TTLL4: variants seen among roughly 807,000 people sequenced by gnomAD.
The protein encoded by TTLL4 is tubulin tyrosine ligase like 4.
A neutral mutation model predicts 122.7 loss-of-function variants in TTLL4; 85 were observed. That is an observed-to-expected ratio of 0.69 (90% CI 0.58 to 0.83). The LOEUF is 0.83. Among genes scored for constraint, TTLL4 ranks in the 40% least tolerant of loss-of-function variants. The pLI, the probability that TTLL4 is intolerant of heterozygous loss-of-function variation, is 0.00. For missense variants in TTLL4, 1,363 were observed against 1,488.6 expected (o/e 0.92, Z 1.39); for synonymous variants, 553 against 563.0 (o/e 0.98, Z 0.25).
rs1943105338 is a variant in TTLL4, at chr2:218,754,288, CA to C, written c.3500del (p.Gln1167ArgfsTer5). 6.2e-7 allele frequency: 1 copy of C among 1,614,176 alleles called. No homozygotes were observed. Among genetic ancestry groups the C allele is most frequent in the Non-Finnish European group, 8.5e-7 (1 of 1,180,034 alleles). ...DTSKEPSLST[Q>X]TLPVIKCSGQ... The stretch of plus-strand genomic sequence containing the variant: ...CAGCAAAGAGCCCAGCCTTTCTACC[CA>C]GACGTTACCTGTGATCAAGTGCTCT... On this transcript the variant is annotated frameshift_variant, in exon 20 of 20. Coordinates refer to ENST00000392102, the MANE Select transcript of TTLL4 (RefSeq NM_014640.5). LOFTEE classifies it high-confidence loss of function.
rs973294140 is a variant in TTLL4, at chr2:218,750,064, C to T, written c.2791C>T (p.Leu931Phe). ...CATCAAAGGCCAGATGATTCGTGAC[C>T]TTCTGAATCTGGCAGGTTTTGTCCT... The part of the protein sequence containing the change: ...ISIKGQMIRD[L>F]LNLAGFVLPN... Residue 931 changes from leucine (L) to phenylalanine (F), a missense_variant, in exon 15 of 20, where the codon CTT becomes TTT. Physicochemically the swap from Leu to Phe is conservative, Grantham distance 22. Coordinates refer to ENST00000392102, the MANE Select transcript of TTLL4 (RefSeq NM_014640.5). 1.2e-6 allele frequency: 2 copies of T among 1,613,986 alleles called. No homozygotes were observed. The highest frequency in any genetic ancestry group is 2.7e-5 in the African/African-American group (2 of 74,922).
chr2:218,745,365 A>G (rs575431922), intron 6 of TTLL4, 132 bp downstream of exon 6: 217 of 1,253,684 alleles, frequency 1.7e-4, no homozygotes, highest in Non-Finnish European at 2.2e-4. Flanking sequence ...CACTGTGCTC[A>G]GTTCCCCATG....
At chr2:218,748,052 C>G in intron 11 of TTLL4, 53 bp from the exon 12 acceptor site, 1 of 1,610,932 alleles carries the variant, frequency 6.2e-7, no homozygotes, top group East Asian at 2.2e-5. Context: ...TTGGCCCCTT[C>G]TCCATCTGCT....
chr2:218,711,943 C>G (rs868519519), intron 1 of TTLL4, among the ~76,000 whole-genome samples: 2 of 151,054 alleles, frequency 1.3e-5, no homozygotes, highest in Admixed American at 6.7e-5. Flanking sequence ...GTGTTCCATC[C>G]CATCCTTCTG....
Position 218,737,747 on chromosome 2 carries a change from C to T in TTLL4, c.71C>T (p.Pro24Leu). 1 of 1,613,918 alleles carries T rather than the reference C, an allele frequency of 6.2e-7. No homozygotes were observed. The highest frequency in any genetic ancestry group is 8.5e-7 in the Non-Finnish European group (1 of 1,179,852). The change falls in exon 3 of 20, where the codon CCC (proline) becomes CTC (leucine). Residue 24 changes from proline to leucine, a missense_variant. Coordinates refer to ENST00000392102, the MANE Select transcript of TTLL4 (RefSeq NM_014640.5). ...RQKNSFKQSGPSGTVPATPPE... is the reference protein window; with the variant it reads ...RQKNSFKQSGLSGTVPATPPE... ...AAAAACAGCTTCAAGCAGAGTGGTCCCTCAGGCACAGTACCTGCCACGCCA... is the reference window on the plus strand; with the variant it reads ...AAAAACAGCTTCAAGCAGAGTGGTCTCTCAGGCACAGTACCTGCCACGCCA...
Position 218,752,705 on chromosome 2 carries a change from C to T in TTLL4, c.2977-58C>T, listed in dbSNP as rs916297259. 155 of 1,587,530 alleles carry T rather than the reference C, an allele frequency of 9.8e-5. No individual in the cohort carries two copies. The African/African-American group carries it at 1.9e-3, about 19-fold the overall frequency. On this transcript the variant is annotated intron_variant, in intron 16 of 19. Transcript: ENST00000392102. ...CTCCCTGTTCCCCAGCTTCTTGAGT[C>T]TCTGCCCCTGGCTTACACTCTCTCA...
At position 218,738,668 on chromosome 2, in the gene TTLL4, CT is replaced by C; in HGVS notation, c.993del (p.Lys332ArgfsTer9). ...LDDSSDSQDP[T>X]KEIRFTEAVR... ...GACAGCTCTGATTCCCAGGATCCAA[CT>C]AAGGAGATTCGGTTCACTGAGGCCG... On this transcript the variant is annotated frameshift_variant, in exon 3 of 20. Coordinates refer to ENST00000392102, the MANE Select transcript of TTLL4 (RefSeq NM_014640.5). LOFTEE classifies it high-confidence loss of function. The C allele has an allele frequency of 6.2e-7, 1 of 1,614,206 alleles. No homozygotes were observed. Among genetic ancestry groups the C allele is most frequent in the Non-Finnish European group, 8.5e-7 (1 of 1,180,040 alleles).
rs1943110799 is a variant in TTLL4 at position 218,754,421 on chromosome 2, G to A, written c.*32G>A. The A allele has an allele frequency of 6.2e-7, 1 of 1,611,224 alleles. No homozygotes were observed. The highest frequency in any genetic ancestry group is 8.5e-7 in the Non-Finnish European group (1 of 1,178,698). On this transcript the variant is annotated 3_prime_UTR_variant, in exon 20 of 20. Transcript: ENST00000392102. Reference sequence around the variant, plus strand: ...TCTCTCCAAAAGCCTCTGCCCAGGAGCATGGGCATCAGCTACCTCACGGGA... The same window carrying A: ...TCTCTCCAAAAGCCTCTGCCCAGGAACATGGGCATCAGCTACCTCACGGGA...
At chr2:218,740,018 A>T in intron 3 of TTLL4, 40 bp from the exon 4 acceptor site, 1 of 1,581,072 alleles carries the variant, frequency 6.3e-7, no homozygotes. Context: ...GACCTCTTTG[A>T]TGGAGTTGAC....
chr2:218,741,029 C>T (rs553632113), intron 5 of TTLL4, among the ~76,000 whole-genome samples: 10 of 152,076 alleles, frequency 6.6e-5, no homozygotes, highest in East Asian at 1.9e-4. Context: ...GCTGAGATCG[C>T]GCTGCTGCAC....
intron 15 of TTLL4, 102 bp downstream of exon 15, chr2:218,750,248 C>T (rs1353107737): frequency 1.3e-6 from 2 of 1,485,816 alleles, no homozygotes; most frequent in East Asian, 4.6e-5. Flanking sequence ...GCCAGGTTCC[C>T]CTTGCTGCTC....
At chr2:218,758,055 G>A (rs692049), downstream of TTLL4, among the ~76,000 whole-genome samples, 86,414 of 151,972 alleles carry the variant, frequency 0.57, 27,380 homozygotes, top group African/African-American at 0.86. Context: ...GAGTTTGCCC[G>A]CTCATTAATA....
chr2:218,729,743 C>CT (rs202131372), intron 2 of TTLL4, among the ~76,000 whole-genome samples: 102 of 109,294 alleles, frequency 9.3e-4, no homozygotes, highest in Admixed American at 1.9e-3. Flanking sequence ...TTTTCTCTCT[C>CT]TTTTTAAAAA....
rs1942611333 is a variant in TTLL4 at position 218,738,755 on chromosome 2, A to G, written c.1079A>G (p.Gln360Arg). 1 of 1,614,006 alleles carries G rather than the reference A, an allele frequency of 6.2e-7. No homozygotes were observed. Among genetic ancestry groups the G allele is most frequent in the Non-Finnish European group, 8.5e-7 (1 of 1,179,958 alleles). Residue 360 changes from glutamine (Q) to arginine (R), a missense_variant, in exon 3 of 20, where the codon CAG (glutamine) becomes CGG (arginine). Gln to Arg is a conservative substitution (Grantham distance 43). Coordinates refer to ENST00000392102, the MANE Select transcript of TTLL4 (RefSeq NM_014640.5). ...KMPRQGCQLE[Q>R]SSFLNPSFQW... ...CCGAGGCAAGGCTGCCAGCTTGAACAGTCTAGTTTCCTGAACCCCAGCTTC... is the reference window on the plus strand; with the variant it reads ...CCGAGGCAAGGCTGCCAGCTTGAACGGTCTAGTTTCCTGAACCCCAGCTTC...
At chr2:218,752,394 G>A (rs1943045217) in intron 16 of TTLL4, among the ~76,000 whole-genome samples, 1 of 152,184 alleles carries the variant, frequency 6.6e-6, no homozygotes, top group African/African-American at 2.4e-5. Context: ...GGCACAGTGA[G>A]AGACCCCAGG....
rs1021937954 is a variant in TTLL4, at chr2:218,740,559, A to G, written c.1636A>G (p.Ser546Gly). Residue 546 changes from serine to glycine, a missense_variant, in exon 5 of 20, where the codon AGC (serine) becomes GGC (glycine). Ser to Gly is a moderately conservative substitution (Grantham distance 56). Transcript: ENST00000392102. Reference sequence around the variant, plus strand: ...CTCCTCATTAAGTGCTGTCTCCCCCAGCGAATCGGTGGCCATGATCTCTAG... The same window carrying G: ...CTCCTCATTAAGTGCTGTCTCCCCCGGCGAATCGGTGGCCATGATCTCTAG... The part of the protein sequence containing the change: ...ECSSLSAVSP[S>G]ESVAMISRSC... 4 of 1,614,020 alleles carry G rather than the reference A, an allele frequency of 2.5e-6. No homozygotes were observed. The highest frequency in any genetic ancestry group is 3.4e-6 in the Non-Finnish European group (4 of 1,180,026).
At chr2:218,746,041 G>A (rs369378378) in intron 7 of TTLL4, 114 bp from the exon 8 acceptor site, 3 of 1,252,086 alleles carry the variant, frequency 2.4e-6, no homozygotes, top group African/African-American at 1.5e-5. Flanking sequence ...CAGCTCCATA[G>A]CAACTCTTTG....
At position 218,740,183 on chromosome 2, in the gene TTLL4, T is replaced by C; in HGVS notation, c.1597+16T>C. ...GAGGAGGAGGGTGAGTAGGAAACCCTTTCACTTCCAACTAGGAGTTGGTTA... is the reference window on the plus strand; with the variant it reads ...GAGGAGGAGGGTGAGTAGGAAACCCCTTCACTTCCAACTAGGAGTTGGTTA... On this transcript the variant is annotated intron_variant, in intron 4 of 19. Coordinates refer to ENST00000392102, the MANE Select transcript of TTLL4 (RefSeq NM_014640.5). 1 of 1,612,410 alleles carries C rather than the reference T, an allele frequency of 6.2e-7. No individual in the cohort carries two copies. The highest frequency in any genetic ancestry group is 1.1e-5 in the South Asian group (1 of 91,002).
At chr2:218,731,950 C>T (rs1307404918) in intron 2 of TTLL4, among the ~76,000 whole-genome samples, 1 of 152,212 alleles carries the variant, frequency 6.6e-6, no homozygotes, top group African/African-American at 2.4e-5. Context: ...CCCTTAAGCC[C>T]TCCTGTTCCC....
Sources: allele counts gnomAD v4.1 joint callset (sites outside exome capture counted in the v4.1 genomes callset), GRCh38; gene constraint gnomAD v4.1.1; transcripts MANE v1.5; gene names NCBI Gene and HGNC (gene_info 2026-07-23, HGNC 2026-07-21).